Variants in SPON1 observed in about 807,000 individuals in gnomAD.
The protein encoded by SPON1 is spondin 1.
SPON1 carries 52 observed loss-of-function variants against 111.7 expected under a neutral mutation model. That is an observed-to-expected ratio of 0.47 (90% CI 0.37 to 0.59). SPON1 has a LOEUF of 0.59. Among genes scored for constraint, SPON1 ranks in the 20% least tolerant of loss-of-function variants. The pLI is 0.00. For synonymous variants in SPON1, 410 were observed against 395.8 expected, an observed-to-expected ratio of 1.04 and a Z score of -0.43; for missense variants, 957 against 1,068.5, an observed-to-expected ratio of 0.90 and a Z score of 1.46.
At chr11:14,140,010 T>G (rs1260172132) in intron 6 of SPON1, among the ~76,000 whole-genome samples, 3 of 152,160 alleles carry the variant, frequency 2.0e-5, no homozygotes, top group Admixed American at 6.5e-5. Context: ...GAGAGTTGAA[T>G]GCCGGACCAC....
At position 14,113,568 on chromosome 11, in the gene SPON1, ATTTTTT is replaced by A. The variant is rs782780924; in HGVS notation, c.677-21805_677-21800del. 6.7e-5 allele frequency among the ~76,000 whole-genome samples: 5 copies of A among 74,750 alleles called. 1 individual carries two copies. Among genetic ancestry groups the A allele is most frequent in the East Asian group, 3.2e-4 (1 of 3,140 alleles). The allele number at this position is 74,750 out of a possible 152,430, so 49.0% of individuals were successfully genotyped here. A position where few individuals can be genotyped will look rare whatever the true frequency, so the allele number is the denominator to read the frequency against. ...AAGTCACCTCCTATGTACTTTTTAA[ATTTTTT>A]TTTTTTTTTTTTTTTTTTTTTTTTT... On this transcript the variant is annotated intron_variant, in intron 5 of 15. Transcript: ENST00000576479.
In SPON1 at chr11:14,135,155, C is replaced by T; in HGVS notation, c.677-265C>T. 3.0e-6 allele frequency: 1 copy of T among 328,548 alleles called. No homozygotes were observed. Among genetic ancestry groups the T allele is most frequent in the Non-Finnish European group, 5.6e-6 (1 of 178,426 alleles). 20.4% of individuals were successfully genotyped at this position (328,548 alleles called of 1,614,324 possible). A position where few individuals can be genotyped will look rare whatever the true frequency, so the allele number is the denominator to read the frequency against. On this transcript the variant is annotated intron_variant, in intron 5 of 15. Transcript: ENST00000576479. The surrounding 1 kb of genome is among the most constrained non-coding windows in gnomAD (Gnocchi z 4.4). ...AACGTTCTCTCAACTATCCCCTTCT[C>T]TGAGACCTTCCTAGACAGAACGCAT...
intron 6 of SPON1, among the ~76,000 whole-genome samples, chr11:14,227,065 T>C (rs1174988320): frequency 1.3e-5 from 2 of 152,204 alleles, no homozygotes; most frequent in African/African-American, 4.8e-5. Context: ...GCAAGGCCTT[T>C]GTGGACATAT....
intron 2 of SPON1, among the ~76,000 whole-genome samples, chr11:14,010,907 C>A (rs1848399415): frequency 6.6e-6 from 1 of 152,132 alleles, no homozygotes; most frequent in Admixed American, 6.5e-5. Context: ...TGGCCTCCAG[C>A]CAGAGAAAAA....
At chr11:14,065,319 CAA>C (rs1267346343) in intron 3 of SPON1, among the ~76,000 whole-genome samples, 4 of 152,164 alleles carry the variant, frequency 2.6e-5, no homozygotes, top group Admixed American at 2.6e-4. Context: ...GAAGCCAAGG[CAA>C]AGTGGGACGA....
At chr11:14,157,806 C>T (rs1279089633) in intron 6 of SPON1, among the ~76,000 whole-genome samples, 2 of 152,064 alleles carry the variant, frequency 1.3e-5, no homozygotes, top group East Asian at 3.9e-4. Flanking sequence ...TAAACTTGTT[C>T]TTAATTCTAG....
At chr11:14,190,748 C>G (rs782764768) in intron 6 of SPON1, among the ~76,000 whole-genome samples, 37 of 150,472 alleles carry the variant, frequency 2.5e-4, no homozygotes, top group Admixed American at 4.6e-4. Flanking sequence ...TCAAGTGATT[C>G]TCCTGCCTCA....
rs879961932 is a variant in SPON1 at position 14,108,317 on chromosome 11, A to AGGTGGGG, written c.677-27102_677-27101insGTGGGGG. Among the ~76,000 whole-genome samples, 604 of 152,348 alleles carry AGGTGGGG rather than the reference A, an allele frequency of 4.0e-3. 2 individuals carry two copies. Among genetic ancestry groups the AGGTGGGG allele is most frequent in the Non-Finnish European group, 7.2e-3 (491 of 68,032 alleles). On this transcript the variant is annotated intron_variant, in intron 5 of 15. Transcript: ENST00000576479. ...CTATGGCTATAATGTGCTTATTTCT[A>AGGTGGGG]GCCTTGTCCTGCTACCCACCCAAAT...
In SPON1 at chr11:14,157,619, G is replaced by C. The variant is rs560627436; in HGVS notation, c.825+22051G>C. On this transcript the variant is annotated intron_variant, in intron 6 of 15. Coordinates refer to ENST00000576479, the MANE Select transcript of SPON1 (RefSeq NM_006108.4). ...CTGGCCCTTATTTCTTCAAACATTGGTTCTATCCCAATATTCTTTCTCCTT... is the reference window on the plus strand; with the variant it reads ...CTGGCCCTTATTTCTTCAAACATTGCTTCTATCCCAATATTCTTTCTCCTT... 1.2e-4 allele frequency among the ~76,000 whole-genome samples: 19 copies of C among 152,076 alleles called. No homozygotes were observed. The South Asian group carries it at 3.7e-3, about 30-fold the overall frequency.
rs1554942420 is a variant in SPON1, at chr11:14,265,698, A to C, written c.*11A>C. 3 of 1,612,242 alleles carry C rather than the reference A, an allele frequency of 1.9e-6. No homozygotes were observed. Among genetic ancestry groups the C allele is most frequent in the East Asian group, 4.5e-5 (2 of 44,886 alleles). On this transcript the variant is annotated 3_prime_UTR_variant, in exon 16 of 16. Coordinates refer to ENST00000576479, the MANE Select transcript of SPON1 (RefSeq NM_006108.4). ...GTTCATCCTTGTTAGCAAGGGTACG[A>C]GTTCCCCAGGGCTGCACTCTAGATT...
At chr11:14,226,394 A>G (rs1446781476) in intron 6 of SPON1, among the ~76,000 whole-genome samples, 3 of 152,310 alleles carry the variant, frequency 2.0e-5, no homozygotes, top group African/African-American at 7.2e-5. Context: ...ACAAAATACA[A>G]TATCCAAAAA....
intron 6 of SPON1, among the ~76,000 whole-genome samples, chr11:14,202,988 A>G (rs1273207999): frequency 3.3e-5 from 5 of 152,118 alleles, no homozygotes; most frequent in Non-Finnish European, 7.4e-5. Context: ...TCACCACGCC[A>G]AAAAGATAAA....
chr11:14,185,641 G>A (rs150951158), intron 6 of SPON1, among the ~76,000 whole-genome samples: 5 of 152,370 alleles, frequency 3.3e-5, no homozygotes, highest in African/African-American at 1.2e-4. Context: ...GTAAAGTTGG[G>A]TTAATGATCA....
rs112049997 is a variant in SPON1, at chr11:14,035,820, G to A, written c.346-5701G>A. 3.2e-4 allele frequency among the ~76,000 whole-genome samples: 49 copies of A among 152,038 alleles called. No individual in the cohort carries two copies. The East Asian group carries it at 5.8e-3, about 18-fold the overall frequency. On this transcript the variant is annotated intron_variant, in intron 2 of 15. Transcript: ENST00000576479. ...TTTTATAGAGATGGGGCCTCACTACGTTACCCAGGCTGATCTCGAACTCCT... is the reference window on the plus strand; with the variant it reads ...TTTTATAGAGATGGGGCCTCACTACATTACCCAGGCTGATCTCGAACTCCT...
intron 1 of SPON1, among the ~76,000 whole-genome samples, chr11:13,980,559 A>C (rs1564878319): frequency 6.6e-6 from 1 of 151,962 alleles, no homozygotes; most frequent in African/African-American, 2.4e-5. Context: ...TATTATTATT[A>C]TATTTTAAGT....
chr11:14,170,083 G>A (rs1848079434), intron 6 of SPON1, among the ~76,000 whole-genome samples: 2 of 152,100 alleles, frequency 1.3e-5, no homozygotes, highest in Admixed American at 1.3e-4. Flanking sequence ...AAATAACTTG[G>A]GCAGTATGGC....
intron 14 of SPON1, among the ~76,000 whole-genome samples, chr11:14,262,002 A>G (rs1367477948): frequency 6.6e-6 from 1 of 152,064 alleles, no homozygotes. Context: ...AGCTTGGAAT[A>G]ATTTACCTCC....
At chr11:14,041,456 T>C (rs1848630595) in intron 2 of SPON1, 65 bp from the exon 3 acceptor site, 1 of 1,582,096 alleles carries the variant, frequency 6.3e-7, no homozygotes, top group African/African-American at 1.4e-5. Context: ...AAGTACCAAC[T>C]TAGAAGCTTA....
chr11:14,229,589 C>A (rs1335754872), intron 6 of SPON1, among the ~76,000 whole-genome samples: 1 of 152,176 alleles, frequency 6.6e-6, no homozygotes, highest in African/African-American at 2.4e-5. Context: ...CCTCCATGCA[C>A]TGTGATTAAC....
Sources: gnomAD v4.1 joint callset for allele counts (sites outside exome capture counted in the v4.1 genomes callset) on GRCh38, gnomAD v4.1.1 for gene constraint, Gnocchi (gnomAD v3.1) non-coding constraint, MANE v1.5 for transcripts, NCBI Gene and HGNC (gene_info 2026-07-23, HGNC 2026-07-21) for gene names.